The following SMIM15 variants were observed in gnomAD, a reference collection of about 807,000 sequenced individuals.
The protein encoded by SMIM15 is UPF0542 protein C5orf43.
Under a neutral mutation model 6.8 loss-of-function variants are expected in SMIM15, and 5 were observed. The observed-to-expected ratio is 0.74, with a 90% CI of 0.39 to 1.56. The LOEUF (loss-of-function observed/expected upper bound fraction) is 1.56, where lower values mean the gene tolerates loss of function less well. SMIM15 is among the 40% of genes most tolerant of loss of function. SMIM15 has a pLI of 0.03. For missense variants in SMIM15, 81 were observed against 84.8 expected, an observed-to-expected ratio of 0.96 and a Z score of 0.18; for synonymous variants, 30 against 30.8, an observed-to-expected ratio of 0.97 and a Z score of 0.09.
intron 1 of SMIM15, among the ~76,000 whole-genome samples, 185 bp from the exon 2 acceptor site, chr5:61,161,412 C>T (rs923334462): frequency 6.6e-6 from 1 of 151,978 alleles, no homozygotes; most frequent in Non-Finnish European, 1.5e-5. Flanking sequence ...TTGCAAATGC[C>T]CTGTAAGAAA....
chr5:61,162,250 T>C lies in SMIM15; in HGVS notation c.-202A>G, dbSNP rs1442070413. 6.5e-6 allele frequency: 1 copy of C among 152,672 alleles called. No individual in the cohort carries two copies. Among genetic ancestry groups the C allele is most frequent in the Non-Finnish European group, 1.5e-5 (1 of 68,398 alleles). 9.5% of individuals were successfully genotyped at this position (152,672 alleles called of 1,614,324 possible). A position where few individuals can be genotyped will look rare whatever the true frequency, so the allele number is the denominator to read the frequency against. ...GGCTGCAGACCCACGGAGGCCACGT[T>C]CACTCCTGCCCGTCGGCCTTGGCAA... is the stretch of plus-strand genomic sequence containing the variant. On this transcript the variant is annotated 5_prime_UTR_variant, in exon 1 of 3. Coordinates refer to ENST00000339020, the MANE Select transcript of SMIM15 (RefSeq NM_001048249.4). This position sits in a 1 kb window ranked among gnomAD's most constrained non-coding sequence, Gnocchi z 4.4.
Position 61,159,105 on chromosome 5 carries a change from C to T in SMIM15, c.*842G>A, listed in dbSNP as rs902642837. ...AAACAAATGGTGTCTTTGTAATCGG[C>T]GAATTACTTGATAAGACATTTTAAC... is the stretch of plus-strand genomic sequence containing the variant. On this transcript the variant is annotated 3_prime_UTR_variant, in exon 3 of 3. Transcript: ENST00000339020. 1 of 152,334 alleles carries T rather than the reference C, an allele frequency of 6.6e-6. No individual in the cohort carries two copies. Among genetic ancestry groups the T allele is most frequent in the Non-Finnish European group, 1.5e-5 (1 of 68,000 alleles). 9.4% of individuals were successfully genotyped at this position (152,334 alleles called of 1,614,324 possible). A position where few individuals can be genotyped will look rare whatever the true frequency, so the allele number is the denominator to read the frequency against.
rs1283540577 is a variant in SMIM15 at position 61,159,679 on chromosome 5, G to T, written c.*268C>A. 9.2e-6 allele frequency: 4 copies of T among 435,778 alleles called. No homozygotes were observed. The highest frequency in any genetic ancestry group is 1.2e-5 in the Non-Finnish European group (3 of 242,032). The allele number at this position is 435,778 out of a possible 1,614,324, so 27.0% of individuals were successfully genotyped here. On this transcript the variant is annotated 3_prime_UTR_variant, in exon 3 of 3. Transcript: ENST00000339020. ...ATTTCAGTATATAAACTGCTAAGCGGCAAATGACTAAGTCAGTTATAAAGA... is the reference window on the plus strand; with the variant it reads ...ATTTCAGTATATAAACTGCTAAGCGTCAAATGACTAAGTCAGTTATAAAGA...
Position 61,158,604 on chromosome 5 carries a change from T to A in SMIM15, c.*1343A>T, listed in dbSNP as rs1741362325. 3 of 151,990 alleles carry A rather than the reference T, an allele frequency of 2.0e-5. No homozygotes were observed. Among genetic ancestry groups the A allele is most frequent in the African/African-American group, 7.2e-5 (3 of 41,426 alleles). 9.4% of individuals were successfully genotyped at this position (151,990 alleles called of 1,614,324 possible). ...AAAAAAAAAAAATCCAGGACCTCTT[T>A]ATAAAAAATTATCAAATTTATTTTA... On this transcript the variant is annotated 3_prime_UTR_variant, in exon 3 of 3. Coordinates refer to ENST00000339020, the MANE Select transcript of SMIM15 (RefSeq NM_001048249.4).
At chr5:61,161,250 AT>A (rs1741412371) in intron 1 of SMIM15, 23 bp from the exon 2 acceptor site, 1 of 152,236 alleles carries the variant, frequency 6.6e-6, no homozygotes. Flanking sequence ...AATACAAAAA[AT>A]AAAACAAAAT....
At chr5:61,160,489 A>G (rs747314241) in intron 2 of SMIM15, among the ~76,000 whole-genome samples, 7 of 152,248 alleles carry the variant, frequency 4.6e-5, no homozygotes, top group Non-Finnish European at 1.0e-4. Context: ...ATGCATTCTC[A>G]CATGCCTCCT....
At chr5:61,161,740 T>C (rs979382361) in intron 1 of SMIM15, among the ~76,000 whole-genome samples, 5 of 152,262 alleles carry the variant, frequency 3.3e-5, no homozygotes, top group African/African-American at 1.2e-4. Context: ...ACAGTCCCAT[T>C]ACCCCAAGAA....
rs943216846 is a variant in SMIM15 at position 61,158,004 on chromosome 5, C to CACACAG, written c.*1942_*1943insCTGTGT. 4.0e-5 allele frequency: 6 copies of CACACAG among 151,542 alleles called. No individual in the cohort carries two copies. The highest frequency in any genetic ancestry group is 1.5e-4 in the African/African-American group (6 of 41,170). 9.4% of individuals were successfully genotyped at this position (151,542 alleles called of 1,614,324 possible). A position where few individuals can be genotyped will look rare whatever the true frequency, so the allele number is the denominator to read the frequency against. On this transcript the variant is annotated 3_prime_UTR_variant, in exon 3 of 3. Coordinates refer to ENST00000339020, the MANE Select transcript of SMIM15 (RefSeq NM_001048249.4). Reference sequence around the variant, plus strand: ...CTCCAGCCCCTTACACACACACACACACACACACACACACACACACTGTAA... The same window carrying CACACAG: ...CTCCAGCCCCTTACACACACACACACACACAGACACACACACACACACACACTGTAA...
chr5:61,160,831 C>G (rs1741402494), intron 2 of SMIM15, among the ~76,000 whole-genome samples: 1 of 152,122 alleles, frequency 6.6e-6, no homozygotes, highest in Non-Finnish European at 1.5e-5. Flanking sequence ...TGGAATAAGC[C>G]TAATTTAATA....
chr5:61,161,756 T>C (rs1741420602), intron 1 of SMIM15, among the ~76,000 whole-genome samples: 1 of 152,074 alleles, frequency 6.6e-6, no homozygotes, highest in South Asian at 2.1e-4. Context: ...AAGAAAACTG[T>C]GACTAGTTTT....
In SMIM15 at chr5:61,159,924, G is replaced by A; in HGVS notation, c.*23C>T. 6.2e-7 allele frequency: 1 copy of A among 1,609,328 alleles called. No individual in the cohort carries two copies. Among genetic ancestry groups the A allele is most frequent in the South Asian group, 1.1e-5 (1 of 90,854 alleles). On this transcript the variant is annotated 3_prime_UTR_variant, in exon 3 of 3. Transcript: ENST00000339020. ...GTAATTTTCCAAATGATTTTCCTCT[G>A]GTTGCAAAGCCTGTTCAGTCCTTCA...
chr5:61,160,330 T>A, intron 2 of SMIM15, 131 bp from the exon 3 acceptor site: 1 of 671,462 alleles, frequency 1.5e-6, no homozygotes, highest in South Asian at 2.0e-5. Context: ...TTTGCTTTTT[T>A]AAAAAGTACA....
At position 61,160,180 on chromosome 5, in the gene SMIM15, C is replaced by T; in HGVS notation, c.-9G>A. ...GCCTTTATATCAAACATCTTCACAG[C>T]AGTCTTATGAAAACTGGGGCTGGGG... On this transcript the variant is annotated 5_prime_UTR_variant, in exon 3 of 3. Coordinates refer to ENST00000339020, the MANE Select transcript of SMIM15 (RefSeq NM_001048249.4). 1 of 1,611,552 alleles carries T rather than the reference C, an allele frequency of 6.2e-7. No individual in the cohort carries two copies. The highest frequency in any genetic ancestry group is 8.5e-7 in the Non-Finnish European group (1 of 1,178,902).
In SMIM15 at chr5:61,161,141, A is replaced by G. The variant is rs757670095; in HGVS notation, c.-82T>C. On this transcript the variant is annotated 5_prime_UTR_variant, in exon 2 of 3. Coordinates refer to ENST00000339020, the MANE Select transcript of SMIM15 (RefSeq NM_001048249.4). ...TTGTCCTGGTGTTATTAGTGACCCA[A>G]TCACGACTTCAGATGACCCTTGGTA... 1 of 152,198 alleles carries G rather than the reference A, an allele frequency of 6.6e-6. No individual in the cohort carries two copies. The highest frequency in any genetic ancestry group is 1.5e-5 in the Non-Finnish European group (1 of 68,044). 9.4% of individuals were successfully genotyped at this position (152,198 alleles called of 1,614,324 possible).
rs946179342 is a variant in SMIM15 at position 61,162,426 on chromosome 5, G to C, written c.-378C>G. The C allele has an allele frequency of 1.3e-5, 2 of 152,376 alleles. No homozygotes were observed. Among genetic ancestry groups the C allele is most frequent in the African/African-American group, 4.8e-5 (2 of 41,466 alleles). The allele number at this position is 152,376 out of a possible 1,614,324, so 9.4% of individuals were successfully genotyped here. ...TTCCCCTACATAGCCCCACGGGATC[G>C]GATCCCACTCCCCACTCACCGCCAG... On this transcript the variant is annotated 5_prime_UTR_variant, in exon 1 of 3. Coordinates refer to ENST00000339020, the MANE Select transcript of SMIM15 (RefSeq NM_001048249.4). This position sits in a 1 kb window ranked among gnomAD's most constrained non-coding sequence, Gnocchi z 4.4.
rs1209344473 is a variant in SMIM15 at position 61,160,126 on chromosome 5, C to T, written c.46G>A (p.Ala16Thr). ...AWAEYVVEWAAKDPYGFLTTV... is the reference protein window; with the variant it reads ...AWAEYVVEWATKDPYGFLTTV... ...GTAAGGAAGCCATAGGGGTCCTTTG[C>T]AGCCCATTCCACAACATACTCAGCC... The change falls in exon 3 of 3, where the codon GCA becomes ACA. Residue 16 changes from alanine to threonine, a missense_variant. Ala to Thr is a moderately conservative substitution (Grantham distance 58). Coordinates refer to ENST00000339020, the MANE Select transcript of SMIM15 (RefSeq NM_001048249.4). 1 of 1,614,142 alleles carries T rather than the reference C, an allele frequency of 6.2e-7. No individual in the cohort carries two copies. The highest frequency in any genetic ancestry group is 8.5e-7 in the Non-Finnish European group (1 of 1,180,012).
intron 1 of SMIM15, among the ~76,000 whole-genome samples, chr5:61,161,860 A>C (rs887889132): frequency 6.6e-6 from 1 of 152,160 alleles, no homozygotes; most frequent in African/African-American, 2.4e-5. Flanking sequence ...GACCTCACCC[A>C]TACAGTTAGA....
chr5:61,160,215 G>A lies in SMIM15; in HGVS notation c.-28-16C>T, dbSNP rs759641730. The A allele has an allele frequency of 1.1e-5, 17 of 1,572,812 alleles. No individual in the cohort carries two copies. Among genetic ancestry groups the A allele is most frequent in the Non-Finnish European group, 1.4e-5 (16 of 1,154,370 alleles). ...AAAACTGGGGCTGGGGGAGGCGGGTGGAGAACACAGAGGAAAAAAACAGGA... is the reference window on the plus strand; with the variant it reads ...AAAACTGGGGCTGGGGGAGGCGGGTAGAGAACACAGAGGAAAAAAACAGGA... On this transcript the variant is annotated splice_polypyrimidine_tract_variant and intron_variant, in intron 2 of 2. Transcript: ENST00000339020.
Position 61,160,154 on chromosome 5 carries a change from A to G in SMIM15, c.18T>C (p.Ala6=), listed in dbSNP as rs1741388399. MFDIK[A]WAEYVVEWAA... is the part of the protein sequence containing the mutation. The stretch of plus-strand genomic sequence containing the variant: ...CCCATTCCACAACATACTCAGCCCA[A>G]GCCTTTATATCAAACATCTTCACAG... Residue 6 remains alanine (A), a synonymous_variant, in exon 3 of 3, where the codon GCT becomes GCC. Coordinates refer to ENST00000339020, the MANE Select transcript of SMIM15 (RefSeq NM_001048249.4). The G allele has an allele frequency of 2.5e-6, 4 of 1,613,934 alleles. No individual in the cohort carries two copies. The highest frequency in any genetic ancestry group is 1.7e-4 in the Middle Eastern group (1 of 6,060).
Sources: gnomAD v4.1 joint callset for allele counts (sites outside exome capture counted in the v4.1 genomes callset) on GRCh38, gnomAD v4.1.1 for gene constraint, Gnocchi (gnomAD v3.1) non-coding constraint, MANE v1.5 for transcripts, NCBI Gene and HGNC (gene_info 2026-07-23, HGNC 2026-07-21) for gene names.